The following LOC128092252 variants were observed in gnomAD, a reference collection of about 807,000 sequenced individuals.
At chr15:50,664,789 A>G in the LOC128092252 span, among the ~76,000 whole-genome samples, 16 of 152,176 alleles carry the variant, frequency 1.1e-4, no homozygotes, top group East Asian at 2.9e-3. Context: ...GTGAGACTCC[A>G]TCTCTACAAA....
chr15:50,672,841 C>A, the LOC128092252 span, among the ~76,000 whole-genome samples: 1 of 122,874 alleles, frequency 8.1e-6, no homozygotes, highest in Non-Finnish European at 1.6e-5. Flanking sequence ...ACCAGGGAAG[C>A]AGAGGTTGCA....
At chr15:50,661,834 T>A in the LOC128092252 span, among the ~76,000 whole-genome samples, 1 of 152,236 alleles carries the variant, frequency 6.6e-6, no homozygotes, top group East Asian at 1.9e-4. Context: ...TCATTTTTTC[T>A]AAGTGCCCAT....
At chr15:50,681,292 CAA>C in the LOC128092252 span, among the ~76,000 whole-genome samples, 2 of 150,264 alleles carry the variant, frequency 1.3e-5, no homozygotes, top group Non-Finnish European at 3.0e-5. Context: ...CACACACACA[CAA>C]AGCATTCAGA....
the LOC128092252 span, among the ~76,000 whole-genome samples, chr15:50,665,371 G>A: frequency 6.7e-6 from 1 of 150,068 alleles, no homozygotes; most frequent in Non-Finnish European, 1.5e-5. Context: ...TCCAGCCTGG[G>A]TGAAAAGAGT....
chr15:50,679,517 TATATATATATATATATATATA>T, the LOC128092252 span, among the ~76,000 whole-genome samples: 4 of 36,488 alleles, frequency 1.1e-4, no homozygotes, highest in African/African-American at 4.8e-4. Flanking sequence ...ATATAATATA[TATATATATATATATATATATA>T]TTTTTTTTTT....
chr15:50,656,585 C>T, the LOC128092252 span, among the ~76,000 whole-genome samples: 4 of 151,636 alleles, frequency 2.6e-5, no homozygotes, highest in African/African-American at 9.7e-5. Context: ...ATCCTCCTGC[C>T]TCAACCTCCC....
At chr15:50,652,632 T>A in the LOC128092252 span, among the ~76,000 whole-genome samples, 1 of 134,274 alleles carries the variant, frequency 7.4e-6, no homozygotes, top group Admixed American at 8.4e-5. Flanking sequence ...ATATAAATTC[T>A]ACATACGTTC....
the LOC128092252 span, among the ~76,000 whole-genome samples, chr15:50,675,729 G>A: frequency 6.6e-6 from 1 of 152,204 alleles, no homozygotes; most frequent in Non-Finnish European, 1.5e-5. Flanking sequence ...ATTTTACCAA[G>A]AGGTGGCAAA....
chr15:50,672,581 A>G, the LOC128092252 span, among the ~76,000 whole-genome samples: 1 of 152,066 alleles, frequency 6.6e-6, no homozygotes. Flanking sequence ...TTTGAACAAA[A>G]AGTTTAAAAA....
the LOC128092252 span, chr15:50,663,188 G>T: frequency 1.6e-6 from 1 of 632,506 alleles, no homozygotes; most frequent in Non-Finnish European, 2.7e-6. Flanking sequence ...GAGAGCAATG[G>T]TGTGATCTTG....
At chr15:50,666,254 T>C in the LOC128092252 span, among the ~76,000 whole-genome samples, 5 of 151,476 alleles carry the variant, frequency 3.3e-5, no homozygotes, top group African/African-American at 1.2e-4. Flanking sequence ...CTGGGCAACA[T>C]GGCAAAACCC....
the LOC128092252 span, among the ~76,000 whole-genome samples, chr15:50,672,286 CG>C: frequency 5.3e-5 from 8 of 151,912 alleles, no homozygotes; most frequent in Admixed American, 2.0e-4. Flanking sequence ...CTCCTGACCT[CG>C]TGACGTGATC....
At chr15:50,677,065 C>A in the LOC128092252 span, among the ~76,000 whole-genome samples, 1 of 152,154 alleles carries the variant, frequency 6.6e-6, no homozygotes, top group Non-Finnish European at 1.5e-5. Flanking sequence ...CAATACCACA[C>A]AGACTTGGTG....
the LOC128092252 span, among the ~76,000 whole-genome samples, chr15:50,680,248 T>C: frequency 6.6e-6 from 1 of 150,650 alleles, no homozygotes; most frequent in Non-Finnish European, 1.5e-5. Flanking sequence ...AATATAAAAA[T>C]AAAAATAAAA....
At chr15:50,666,795 C>G in the LOC128092252 span, among the ~76,000 whole-genome samples, 2 of 151,878 alleles carry the variant, frequency 1.3e-5, no homozygotes, top group African/African-American at 4.8e-5. Context: ...AGAGCAAAAA[C>G]TGTCTCCAAA....
At chr15:50,657,016 A>C in the LOC128092252 span, among the ~76,000 whole-genome samples, 1 of 152,184 alleles carries the variant, frequency 6.6e-6, no homozygotes, top group Non-Finnish European at 1.5e-5. Context: ...CTAAAAATGC[A>C]AACTGCTCTT....
the LOC128092252 span, among the ~76,000 whole-genome samples, chr15:50,652,634 C>T: frequency 1.5e-5 from 2 of 131,150 alleles, no homozygotes; most frequent in African/African-American, 2.8e-5. Flanking sequence ...ATAAATTCTA[C>T]ATACGTTCTT....
chr15:50,679,363 T>C, the LOC128092252 span, among the ~76,000 whole-genome samples: 1 of 149,988 alleles, frequency 6.7e-6, no homozygotes, highest in African/African-American at 2.5e-5. Context: ...ACTTGGACGC[T>C]TGGACGTTCA....
the LOC128092252 span, among the ~76,000 whole-genome samples, chr15:50,663,504 T>C: frequency 6.6e-6 from 1 of 152,144 alleles, no homozygotes; most frequent in Non-Finnish European, 1.5e-5. Context: ...CCCCAAAACG[T>C]CAGAATAATT....
Sources: allele counts gnomAD v4.1 joint callset (sites outside exome capture counted in the v4.1 genomes callset), GRCh38; gene constraint gnomAD v4.1.1; transcripts MANE v1.5.